KLHL32: variants seen among roughly 807,000 people sequenced by gnomAD.
KLHL32 encodes kelch-like protein 32.
KLHL32 carries 35 observed loss-of-function variants against 64.8 expected under a neutral mutation model. The observed-to-expected ratio is 0.54, with a 90% CI of 0.41 to 0.72. KLHL32 has a LOEUF of 0.72. KLHL32 is among the 30% of genes least tolerant of loss of function. The pLI is 0.00. For missense variants in KLHL32, 589 were observed against 768.5 expected, an observed-to-expected ratio of 0.77 and a Z score of 2.76; for synonymous variants, 259 against 281.0, an observed-to-expected ratio of 0.92 and a Z score of 0.78.
At chr6:96,972,461 T>A (rs1264183242) in intron 2 of KLHL32, among the ~76,000 whole-genome samples, 1 of 152,192 alleles carries the variant, frequency 6.6e-6, no homozygotes, top group African/African-American at 2.4e-5. Flanking sequence ...TAATATAGCA[T>A]ATACTCTTTT....
At chr6:97,046,844 C>G (rs1011404578) in intron 4 of KLHL32, among the ~76,000 whole-genome samples, 18 of 152,206 alleles carry the variant, frequency 1.2e-4, no homozygotes, top group Non-Finnish European at 1.9e-4. Flanking sequence ...GGGACATTCA[C>G]TGACATGTAG....
intron 4 of KLHL32, among the ~76,000 whole-genome samples, chr6:97,043,101 A>G (rs1785377813): frequency 6.6e-6 from 1 of 152,226 alleles, no homozygotes; most frequent in Non-Finnish European, 1.5e-5. Context: ...CCTCACCAGA[A>G]GCAGATGCTG....
intron 10 of KLHL32, among the ~76,000 whole-genome samples, chr6:97,135,322 T>C (rs6934452): frequency 0.012 from 1,379 of 111,976 alleles, 8 homozygotes; most frequent in Middle Eastern, 0.016. Flanking sequence ...TTTTTTTTTT[T>C]CCTGAGAGTG....
intron 1 of KLHL32, among the ~76,000 whole-genome samples, chr6:96,927,571 AGT>A (rs1314210570): frequency 6.6e-6 from 1 of 152,168 alleles, no homozygotes; most frequent in Non-Finnish European, 1.5e-5. Context: ...GTCAGAGAGG[AGT>A]GTCATTTTAT....
At chr6:97,136,165 A>C (rs571578725) in intron 10 of KLHL32, among the ~76,000 whole-genome samples, 1 of 152,322 alleles carries the variant, frequency 6.6e-6, no homozygotes, top group South Asian at 2.1e-4. Context: ...TAGTTCTGAG[A>C]TTGTTCTATT....
Position 97,130,916 on chromosome 6 carries a change from C to T in KLHL32, c.1573C>T (p.Gln525Ter), listed in dbSNP as rs2128221769. The change falls in exon 9 of 11, where the codon CAG becomes TAG. Residue 525 changes from glutamine to a stop codon, truncating the protein, a stop_gained. Transcript: ENST00000369261. LOFTEE classifies it high-confidence loss of function. The stretch of plus-strand genomic sequence containing the variant: ...AGATTCTTACAACATAGACACTGAC[C>T]AGTGGACACGTTGTAATTTCAACCT... ...HIDSYNIDTDQWTRCNFNLLT... is the reference protein window; with the variant it reads ...HIDSYNIDTD The T allele has an allele frequency of 4.3e-6, 7 of 1,613,532 alleles. No individual in the cohort carries two copies. The highest frequency in any genetic ancestry group is 5.9e-6 in the Non-Finnish European group (7 of 1,179,764).
intron 6 of KLHL32, among the ~76,000 whole-genome samples, chr6:97,089,185 A>G (rs1034241516): frequency 2.0e-5 from 3 of 152,256 alleles, no homozygotes; most frequent in Non-Finnish European, 2.9e-5. Flanking sequence ...ATTTTAAACC[A>G]TAAGTACAGC....
At chr6:97,080,768 C>T (rs1007207881) in intron 5 of KLHL32, among the ~76,000 whole-genome samples, 5 of 152,090 alleles carry the variant, frequency 3.3e-5, no homozygotes, top group African/African-American at 1.2e-4. Context: ...GGGGAGGAGA[C>T]AAGCACATTA....
chr6:97,007,723 G>A (rs771109190), intron 3 of KLHL32, among the ~76,000 whole-genome samples: 4 of 152,100 alleles, frequency 2.6e-5, no homozygotes, highest in Non-Finnish European at 4.4e-5. Context: ...CAGTCAACTG[G>A]CCTCATTTGT....
chr6:96,972,375 G>C (rs1775206370), intron 2 of KLHL32, among the ~76,000 whole-genome samples: 1 of 152,116 alleles, frequency 6.6e-6, no homozygotes, highest in East Asian at 1.9e-4. Context: ...AGTGTCTACT[G>C]TATAGGTGTA....
intron 5 of KLHL32, among the ~76,000 whole-genome samples, chr6:97,067,506 A>G (rs1789983311): frequency 1.3e-5 from 2 of 152,192 alleles, no homozygotes; most frequent in Admixed American, 6.5e-5. Flanking sequence ...CCTCCTGAGC[A>G]GTCTGCTTGT....
chr6:96,975,120 T>A, intron 2 of KLHL32, among the ~76,000 whole-genome samples: 1 of 152,344 alleles, frequency 6.6e-6, no homozygotes, highest in African/African-American at 2.4e-5. Context: ...ATGGCATTAC[T>A]TCTGTATTAT....
At chr6:97,019,321 A>G (rs1781670246) in intron 3 of KLHL32, among the ~76,000 whole-genome samples, 1 of 152,224 alleles carries the variant, frequency 6.6e-6, no homozygotes, top group African/African-American at 2.4e-5. Flanking sequence ...GGACCCAATA[A>G]CTGCAGAAGG....
At chr6:97,110,625 C>A (rs967950085) in intron 6 of KLHL32, among the ~76,000 whole-genome samples, 21 of 152,198 alleles carry the variant, frequency 1.4e-4, no homozygotes, top group African/African-American at 4.3e-4. Flanking sequence ...CTCTTCCCTC[C>A]CTCAGTACAT....
Position 97,048,016 on chromosome 6 carries a change from C to A in KLHL32, c.312+6417C>A, listed in dbSNP as rs189455896. 3.2e-4 allele frequency among the ~76,000 whole-genome samples: 48 copies of A among 152,264 alleles called. 1 individual carries two copies. In the Middle Eastern group the frequency reaches 0.017, roughly 54 times the overall value. On this transcript the variant is annotated intron_variant, in intron 4 of 10. Transcript: ENST00000369261. ...ATGTCAAGGAATATACACTATATGC[C>A]AAGCACTGTGATAAATACCTTACAT... is the stretch of plus-strand genomic sequence containing the variant.
intron 1 of KLHL32, among the ~76,000 whole-genome samples, chr6:96,961,522 G>A (rs1224966766): frequency 6.6e-6 from 1 of 152,082 alleles, no homozygotes; most frequent in Non-Finnish European, 1.5e-5. Context: ...CTGCCTGTAT[G>A]CAGCAAGCTA....
At chr6:97,081,994 G>C (rs1792614423) in intron 5 of KLHL32, among the ~76,000 whole-genome samples, 1 of 152,148 alleles carries the variant, frequency 6.6e-6, no homozygotes, top group Admixed American at 6.5e-5. Context: ...ACTGAGTTTG[G>C]ACTTTTTCCC....
chr6:97,106,335 TGTAGA>T (rs1203666767), intron 6 of KLHL32, among the ~76,000 whole-genome samples: 1 of 152,212 alleles, frequency 6.6e-6, no homozygotes, highest in African/African-American at 2.4e-5. Flanking sequence ...TATTCTACTC[TGTAGA>T]GTAGCAATCA....
chr6:97,047,070 A>G (rs978918928), intron 4 of KLHL32, among the ~76,000 whole-genome samples: 1 of 152,246 alleles, frequency 6.6e-6, no homozygotes, highest in African/African-American at 2.4e-5. Context: ...TCTAAGTGTA[A>G]CAAGATGTGT....
Sources: gnomAD v4.1 joint callset for allele counts (sites outside exome capture counted in the v4.1 genomes callset) on GRCh38, gnomAD v4.1.1 for gene constraint, MANE v1.5 for transcripts, NCBI Gene and HGNC (gene_info 2026-07-23, HGNC 2026-07-21) for gene names.